Variants in CHODL observed in about 807,000 individuals in gnomAD.
The protein encoded by CHODL is transmembrane protein MT75.
A neutral mutation model predicts 34.5 loss-of-function variants in CHODL; 29 were observed. The ratio of observed to expected loss-of-function variants is 0.84; its 90% CI spans 0.63 to 1.15. The LOEUF (loss-of-function observed/expected upper bound fraction) is 1.15, where lower values mean the gene tolerates loss of function less well. Ranked by LOEUF, CHODL falls within the 50% of genes most tolerant of loss-of-function variation. The pLI is 0.00. For missense variants in CHODL, 332 were observed against 332.5 expected (o/e 1.00, Z 0.01); for synonymous variants, 125 against 116.1 (o/e 1.08, Z -0.49).
rs1286913381 is a variant in CHODL, at chr21:18,266,896, A to G, written c.*858A>G. On this transcript the variant is annotated 3_prime_UTR_variant, in exon 6 of 6. Coordinates refer to ENST00000299295, the MANE Select transcript of CHODL (RefSeq NM_024944.3). ...AATCATATGTCTTCACACGTTGCCT[A>G]TATAATGAGAAGCAGCTCTCTGAGG... The G allele has an allele frequency of 6.6e-6, 1 of 152,480 alleles. No individual in the cohort carries two copies. The highest frequency in any genetic ancestry group is 1.5e-5 in the Non-Finnish European group (1 of 68,048). 9.4% of individuals were successfully genotyped at this position (152,480 alleles called of 1,614,324 possible). A position where few individuals can be genotyped will look rare whatever the true frequency, so the allele number is the denominator to read the frequency against.
intron 2 of CHODL, among the ~76,000 whole-genome samples, chr21:18,230,770 A>G (rs1467719320): frequency 6.6e-6 from 1 of 152,138 alleles, no homozygotes; most frequent in Non-Finnish European, 1.5e-5. Flanking sequence ...GGTAAAATGT[A>G]TGACTAAGAA....
At chr21:17,932,872 T>A (rs894236838) in intron 1 of CHODL, among the ~76,000 whole-genome samples, 4 of 152,150 alleles carry the variant, frequency 2.6e-5, no homozygotes, top group South Asian at 2.1e-4. Flanking sequence ...CCCGCTGGCC[T>A]CTTGAGTTCC....
At chr21:18,126,418 A>G (rs907174543) in intron 2 of CHODL, among the ~76,000 whole-genome samples, 3 of 152,220 alleles carry the variant, frequency 2.0e-5, no homozygotes, top group Admixed American at 1.3e-4. Context: ...AAAATTGTGC[A>G]ACTTGCTTTA....
chr21:18,232,109 A>C (rs1472627266), intron 2 of CHODL, among the ~76,000 whole-genome samples: 2 of 151,902 alleles, frequency 1.3e-5, no homozygotes. Context: ...TTCTTAACTT[A>C]GCATTTGTTC....
At position 18,236,895 on chromosome 21, in the gene CHODL, T is replaced by C. The variant is rs75823765; in HGVS notation, c.-44-19614T>C. Among the ~76,000 whole-genome samples the C allele has an allele frequency of 7.9e-5, 12 of 152,236 alleles. 1 individual carries two copies. Among genetic ancestry groups the C allele is most frequent in the African/African-American group, 2.6e-4 (11 of 41,554 alleles). On this transcript the variant is annotated intron_variant, in intron 2 of 6. Coordinates refer to the CHODL transcript ENST00000400127. The stretch of plus-strand genomic sequence containing the variant: ...ATCTTAAAAATCAAAAAGTCACTTA[T>C]TGACTTCCTAGTGTGCAAGACACTG...
intron 2 of CHODL, among the ~76,000 whole-genome samples, chr21:18,144,167 A>C (rs1336715021): frequency 6.6e-6 from 1 of 152,124 alleles, no homozygotes; most frequent in Non-Finnish European, 1.5e-5. Context: ...AGCTTATTTT[A>C]CTTTAAATTT....
intron 2 of CHODL, among the ~76,000 whole-genome samples, chr21:18,110,796 A>G (rs1197668657): frequency 1.3e-5 from 2 of 152,192 alleles, no homozygotes; most frequent in Non-Finnish European, 2.9e-5. Flanking sequence ...AGTAACAGAC[A>G]TGCAGTGTGC....
At chr21:18,074,206 CCTTTATG>C (rs1477759907) in intron 2 of CHODL, among the ~76,000 whole-genome samples, 1 of 152,062 alleles carries the variant, frequency 6.6e-6, no homozygotes, top group African/African-American at 2.4e-5. Context: ...TGCCTGTCAG[CCTTTATG>C]AAATTATCCC....
chr21:18,234,062 G>A (rs187901946), intron 2 of CHODL, among the ~76,000 whole-genome samples: 58 of 152,184 alleles, frequency 3.8e-4, no homozygotes, highest in African/African-American at 1.3e-3. Flanking sequence ...AGGCTTTTTG[G>A]TTAATTGTGC....
intron 2 of CHODL, among the ~76,000 whole-genome samples, chr21:18,147,683 T>C: frequency 6.6e-6 from 1 of 152,234 alleles, no homozygotes; most frequent in Non-Finnish European, 1.5e-5. Flanking sequence ...TCTCTGTCAC[T>C]TCTACTCAAC....
At chr21:18,054,433 C>T (rs1056259275) in intron 2 of CHODL, among the ~76,000 whole-genome samples, 1 of 151,892 alleles carries the variant, frequency 6.6e-6, no homozygotes, top group Non-Finnish European at 1.5e-5. Context: ...AAATACTATA[C>T]AGCCTTAAGA....
rs370095628 is a variant in CHODL at position 17,948,823 on chromosome 21, C to T, written c.-145+31423C>T. Among the ~76,000 whole-genome samples, 332 of 152,184 alleles carry T rather than the reference C, an allele frequency of 2.2e-3. 13 individuals carry two copies. The South Asian group carries it at 0.049, about 22-fold the overall frequency. The stretch of plus-strand genomic sequence containing the variant: ...TGCTTTACTGCTGAATTCTAATAAA[C>T]ATTTAAAGAGGAGCTAATACCAGTT... On this transcript the variant is annotated intron_variant, in intron 1 of 6. Coordinates refer to the CHODL transcript ENST00000400127.
chr21:18,083,061 A>G (rs2064961388), intron 2 of CHODL, among the ~76,000 whole-genome samples: 2 of 152,348 alleles, frequency 1.3e-5, no homozygotes, highest in Admixed American at 6.5e-5. Context: ...ACAGCAGTCC[A>G]TCTTATCACA....
At chr21:18,025,166 A>T (rs1006746453) in intron 1 of CHODL, among the ~76,000 whole-genome samples, 5 of 152,182 alleles carry the variant, frequency 3.3e-5, no homozygotes, top group African/African-American at 9.7e-5. Flanking sequence ...CAATAAATTT[A>T]AAAAAACCAA....
Position 18,019,288 on chromosome 21 carries a change from G to A in CHODL, c.-144-8584G>A, listed in dbSNP as rs191187870. 1.6e-4 allele frequency among the ~76,000 whole-genome samples: 25 copies of A among 152,262 alleles called. 1 individual carries two copies. Among genetic ancestry groups the A allele is most frequent in the African/African-American group, 4.6e-4 (19 of 41,552 alleles). ...TGTGCTATGGAAAGACCTATATAGA[G>A]AATGCAAAGTTAATATTACAAAAAT... On this transcript the variant is annotated intron_variant, in intron 1 of 6. Coordinates refer to the CHODL transcript ENST00000400127.
At chr21:18,176,628 A>T (rs1293931254) in intron 2 of CHODL, among the ~76,000 whole-genome samples, 2 of 152,178 alleles carry the variant, frequency 1.3e-5, no homozygotes, top group Non-Finnish European at 2.9e-5. Context: ...CCTTGAGTTC[A>T]AGCAAAATTA....
At chr21:18,052,209 C>CAG (rs2064524418) in intron 2 of CHODL, among the ~76,000 whole-genome samples, 1 of 151,864 alleles carries the variant, frequency 6.6e-6, no homozygotes, top group Non-Finnish European at 1.5e-5. Context: ...CACATTAGGA[C>CAG]AGTGATAAAC....
intron 2 of CHODL, among the ~76,000 whole-genome samples, chr21:18,195,387 A>G (rs950571549): frequency 1.3e-4 from 20 of 152,140 alleles, no homozygotes; most frequent in Non-Finnish European, 2.2e-4. Context: ...TCACCATGCT[A>G]TATAGTAGAT....
chr21:18,098,166 T>A (rs562778860), intron 2 of CHODL, among the ~76,000 whole-genome samples: 22 of 152,006 alleles, frequency 1.4e-4, no homozygotes, highest in African/African-American at 4.6e-4. Flanking sequence ...AATTATTGAG[T>A]AATACCCCAC....
Sources: allele counts gnomAD v4.1 joint callset (sites outside exome capture counted in the v4.1 genomes callset), GRCh38; gene constraint gnomAD v4.1.1; transcripts MANE v1.5; gene names NCBI Gene and HGNC (gene_info 2026-07-23, HGNC 2026-07-21).